Variants in C10orf90 observed in about 807,000 individuals in gnomAD.
C10orf90 encodes (E2-independent) E3 ubiquitin-conjugating enzyme FATS.
A neutral mutation model predicts 62.5 loss-of-function variants in C10orf90; 56 were observed. That is an observed-to-expected ratio of 0.90 (90% CI 0.72 to 1.12). The LOEUF (loss-of-function observed/expected upper bound fraction) is 1.12, where lower values mean the gene tolerates loss of function less well. Ranked by LOEUF, C10orf90 falls within the 50% of genes most tolerant of loss-of-function variation. C10orf90 has a pLI of 0.00. For synonymous variants in C10orf90, 386 were observed against 340.4 expected (o/e 1.13, Z -1.47); for missense variants, 970 against 880.4 (o/e 1.10, Z -1.29).
At chr10:126,499,984 G>A (rs983476465) in intron 4 of C10orf90, among the ~76,000 whole-genome samples, 1 of 152,158 alleles carries the variant, frequency 6.6e-6, no homozygotes, top group South Asian at 2.1e-4. Flanking sequence ...ATGCACATCC[G>A]GTGAGGTGGG....
chr10:126,524,740 T>C (rs958846487), intron 2 of C10orf90: 1 of 985,398 alleles, frequency 1.0e-6, no homozygotes, highest in African/African-American at 1.7e-5. Context: ...CGCACCTGTA[T>C]GGCCCCTAGG....
intron 2 of C10orf90, among the ~76,000 whole-genome samples, chr10:126,626,960 C>T (rs905890411): frequency 6.6e-6 from 1 of 151,614 alleles, no homozygotes; most frequent in Non-Finnish European, 1.5e-5. Flanking sequence ...GTTGAACAGA[C>T]AGGAGCTGTG....
chr10:126,620,764 AG>A (rs1209601030), intron 2 of C10orf90, among the ~76,000 whole-genome samples: 5 of 151,604 alleles, frequency 3.3e-5, no homozygotes, highest in African/African-American at 1.2e-4. Flanking sequence ...AAAGCTAGAA[AG>A]GTGCACTGCT....
intron 2 of C10orf90, among the ~76,000 whole-genome samples, chr10:126,564,292 C>A (rs952692491): frequency 6.6e-6 from 1 of 152,024 alleles, no homozygotes; most frequent in African/African-American, 2.4e-5. Context: ...GGAGACCCAG[C>A]CCACCAGGTT....
At chr10:126,498,824 G>A (rs561978324) in intron 4 of C10orf90, among the ~76,000 whole-genome samples, 8 of 152,222 alleles carry the variant, frequency 5.3e-5, no homozygotes, top group Non-Finnish European at 1.2e-4. Context: ...AGTTCCCTGA[G>A]TGGCTGGCAG....
rs138931839 is a variant in C10orf90 at position 126,631,348 on chromosome 10, C to T, written c.313+15217G>A. The stretch of plus-strand genomic sequence containing the variant: ...CTTGGCTCCTTGAACACACCAGTCC[C>T]GTTCCTTCCTCAAAACGTTTGCAGA... On this transcript the variant is annotated intron_variant, in intron 2 of 9. Coordinates refer to ENST00000488181, the MANE Select transcript of C10orf90 (RefSeq NM_001350921.2). Among the ~76,000 whole-genome samples, 260 of 152,160 alleles carry T rather than the reference C, an allele frequency of 1.7e-3. 1 individual carries two copies. The Middle Eastern group carries it at 0.034, about 20-fold the overall frequency.
intron 2 of C10orf90, among the ~76,000 whole-genome samples, chr10:126,538,451 AG>A (rs1296121308): frequency 6.6e-6 from 1 of 152,198 alleles, no homozygotes; most frequent in African/African-American, 2.4e-5. Flanking sequence ...GGCCCTCAGA[AG>A]GGACCAACAT....
At position 126,601,073 on chromosome 10, in the gene C10orf90, T is replaced by G. The variant is rs374132414; in HGVS notation, c.313+45492A>C. Among the ~76,000 whole-genome samples, 25 of 152,330 alleles carry G rather than the reference T, an allele frequency of 1.6e-4. 1 individual carries two copies. In the East Asian group the frequency reaches 2.5e-3, roughly 15 times the overall value. On this transcript the variant is annotated intron_variant, in intron 2 of 9. Coordinates refer to ENST00000488181, the MANE Select transcript of C10orf90 (RefSeq NM_001350921.2). The stretch of plus-strand genomic sequence containing the variant: ...ACACAGACAGGCTTGGAGGACATCA[T>G]GCTAAGTGAAATAAAGCCCACACAG...
At chr10:126,574,602 G>A (rs1026516402) in intron 2 of C10orf90, among the ~76,000 whole-genome samples, 1 of 151,958 alleles carries the variant, frequency 6.6e-6, no homozygotes, top group African/African-American at 2.4e-5. Flanking sequence ...GGATGCAAGG[G>A]TGGCTTAACA....
chr10:126,491,168 A>G (rs1251894636), intron 4 of C10orf90, among the ~76,000 whole-genome samples: 3 of 152,252 alleles, frequency 2.0e-5, no homozygotes, highest in Non-Finnish European at 4.4e-5. Context: ...TAGAAATTAA[A>G]GATTCATGCA....
chr10:126,624,091 T>C (rs963570753), intron 2 of C10orf90, among the ~76,000 whole-genome samples: 2 of 152,130 alleles, frequency 1.3e-5, no homozygotes, highest in African/African-American at 4.8e-5. Context: ...CTCACGCCTG[T>C]AATCTCAGTA....
At chr10:126,519,488 C>T (rs1331817872) in intron 2 of C10orf90, among the ~76,000 whole-genome samples, 1 of 152,142 alleles carries the variant, frequency 6.6e-6, no homozygotes, top group Non-Finnish European at 1.5e-5. Flanking sequence ...ACTCTCCTAC[C>T]TACATCATTA....
At chr10:126,551,371 C>A (rs1004039151) in intron 2 of C10orf90, among the ~76,000 whole-genome samples, 3 of 152,238 alleles carry the variant, frequency 2.0e-5, no homozygotes, top group Non-Finnish European at 4.4e-5. Flanking sequence ...GCTCCTCCCC[C>A]ACTAGACTGG....
At chr10:126,632,339 A>G (rs1289432725) in intron 2 of C10orf90, among the ~76,000 whole-genome samples, 2 of 151,930 alleles carry the variant, frequency 1.3e-5, no homozygotes, top group Non-Finnish European at 2.9e-5. Flanking sequence ...CTGAGTACTT[A>G]ATACACCCCA....
chr10:126,622,912 C>T (rs1017888137), intron 2 of C10orf90, among the ~76,000 whole-genome samples: 9 of 152,222 alleles, frequency 5.9e-5, no homozygotes, highest in Admixed American at 2.6e-4. Flanking sequence ...CACATTTTCA[C>T]GCAGACTCCT....
intron 2 of C10orf90, among the ~76,000 whole-genome samples, chr10:126,628,386 C>T (rs72839081): frequency 0.016 from 2,358 of 151,902 alleles, 29 homozygotes; most frequent in Non-Finnish European, 0.024. Context: ...GATCTATGGA[C>T]GGATGGATGG....
chr10:126,584,641 C>T (rs1252936243), intron 2 of C10orf90, among the ~76,000 whole-genome samples: 2 of 152,210 alleles, frequency 1.3e-5, no homozygotes, highest in East Asian at 3.9e-4. Flanking sequence ...TGTTTTGCCC[C>T]TGTCCCTGTG....
chr10:126,578,705 C>T (rs1844678279), intron 2 of C10orf90, among the ~76,000 whole-genome samples: 1 of 152,212 alleles, frequency 6.6e-6, no homozygotes, highest in Non-Finnish European at 1.5e-5. Flanking sequence ...AGAAATTATT[C>T]AAATGCCCAG....
At chr10:126,518,560 C>A (rs1435104176) in intron 2 of C10orf90, among the ~76,000 whole-genome samples, 1 of 151,772 alleles carries the variant, frequency 6.6e-6, no homozygotes, top group African/African-American at 2.4e-5. Flanking sequence ...AAAAAAAAAA[C>A]AAACATCATG....
Sources: allele counts gnomAD v4.1 joint callset (sites outside exome capture counted in the v4.1 genomes callset), GRCh38; gene constraint gnomAD v4.1.1; transcripts MANE v1.5; gene names NCBI Gene and HGNC (gene_info 2026-07-23, HGNC 2026-07-21).